ZNF516: variants seen among roughly 807,000 people sequenced by gnomAD.
ZNF516 encodes zinc finger protein 516.
In ZNF516, 19 loss-of-function variants were observed where a neutral mutation model predicts 79.7. That is an observed-to-expected ratio of 0.24 (90% confidence interval 0.17 to 0.35). The LOEUF (loss-of-function observed/expected upper bound fraction) is 0.35, where lower values mean the gene tolerates loss of function less well. Ranked by LOEUF, ZNF516 falls within the 10% of genes least tolerant of loss-of-function variation. ZNF516 has a pLI of 1.00. For missense variants in ZNF516, 1,678 were observed against 1,679.5 expected (o/e 1.00, Z 0.02); for synonymous variants, 877 against 739.5 (o/e 1.19, Z -3.02).
chr18:76,431,998 T>C (rs116536215), intron 3 of ZNF516, among the ~76,000 whole-genome samples: 1,775 of 152,324 alleles, frequency 0.012, 38 homozygotes, highest in African/African-American at 0.041. Context: ...CAGGGTCTGC[T>C]ATTCTAAGCA....
At chr18:76,434,461 A>C (rs2075703681) in intron 3 of ZNF516, among the ~76,000 whole-genome samples, 1 of 152,250 alleles carries the variant, frequency 6.6e-6, no homozygotes, top group African/African-American at 2.4e-5. Flanking sequence ...CCATCCAATA[A>C]GAATCTGTAA....
intron 3 of ZNF516, among the ~76,000 whole-genome samples, chr18:76,402,773 G>A (rs1719871665): frequency 6.6e-6 from 1 of 152,258 alleles, no homozygotes; most frequent in African/African-American, 2.4e-5. Flanking sequence ...GGGCCGCTGC[G>A]CTTCTATCAG....
chr18:76,381,527 G>A (rs567228256), intron 3 of ZNF516, among the ~76,000 whole-genome samples: 1 of 152,256 alleles, frequency 6.6e-6, no homozygotes, highest in African/African-American at 2.4e-5. Context: ...CCTTTAAAAT[G>A]TTCTAAGTGT....
chr18:76,490,279 A>G (rs1244605884), intron 1 of ZNF516: 1 of 836,782 alleles, frequency 1.2e-6, no homozygotes, highest in African/African-American at 1.8e-5. Context: ...TCACTCTCCA[A>G]TTTTACTAAG....
At chr18:76,430,768 G>C (rs1453748455) in intron 3 of ZNF516, among the ~76,000 whole-genome samples, 1 of 152,222 alleles carries the variant, frequency 6.6e-6, no homozygotes, top group Non-Finnish European at 1.5e-5. Flanking sequence ...GGAGTTAAGA[G>C]AAAGAACATG....
chr18:76,419,504 A>G (rs919113741), intron 3 of ZNF516, among the ~76,000 whole-genome samples: 25 of 152,244 alleles, frequency 1.6e-4, no homozygotes, highest in African/African-American at 5.8e-4. Flanking sequence ...CAACAGTTGG[A>G]TATGATCCGG....
intron 3 of ZNF516, among the ~76,000 whole-genome samples, chr18:76,402,659 G>C (rs1373828217): frequency 6.6e-6 from 1 of 152,216 alleles, no homozygotes; most frequent in East Asian, 1.9e-4. Flanking sequence ...CAACAGATCT[G>C]AACGACTAAA....
At chr18:76,450,690 G>A (rs17059381) in intron 2 of ZNF516, among the ~76,000 whole-genome samples, 2,670 of 152,176 alleles carry the variant, frequency 0.018, 76 homozygotes, top group African/African-American at 0.059. Context: ...AGCACTTGAC[G>A]AAGTAAAAAA....
chr18:76,415,736 G>C (rs914052415), intron 3 of ZNF516, among the ~76,000 whole-genome samples: 8 of 152,200 alleles, frequency 5.3e-5, no homozygotes, highest in Admixed American at 3.9e-4. Context: ...CACTTCAACT[G>C]CATAGAGAAA....
intron 1 of ZNF516, among the ~76,000 whole-genome samples, chr18:76,476,182 T>C (rs1299696193): frequency 6.6e-6 from 1 of 152,200 alleles, no homozygotes; most frequent in African/African-American, 2.4e-5. Flanking sequence ...CCACACAAAT[T>C]TGTGGCTGGA....
At chr18:76,420,023 C>T (rs75186293) in intron 3 of ZNF516, among the ~76,000 whole-genome samples, 2,624 of 152,332 alleles carry the variant, frequency 0.017, 71 homozygotes, top group African/African-American at 0.058. Flanking sequence ...CATGAGGGAG[C>T]GACTCCAGGT....
chr18:76,397,979 C>T (rs532077704), intron 3 of ZNF516, among the ~76,000 whole-genome samples: 4 of 152,298 alleles, frequency 2.6e-5, no homozygotes, highest in African/African-American at 9.6e-5. Context: ...ATTCGTGTTA[C>T]TTTTTAAATC....
intron 3 of ZNF516, among the ~76,000 whole-genome samples, chr18:76,406,933 G>A (rs979731284): frequency 2.0e-5 from 3 of 151,106 alleles, no homozygotes; most frequent in African/African-American, 4.9e-5. Flanking sequence ...CGGAGTCCCC[G>A]TGCTCCTGCC....
At chr18:76,438,797 T>C (rs1462816381) in intron 3 of ZNF516, among the ~76,000 whole-genome samples, 1 of 152,202 alleles carries the variant, frequency 6.6e-6, no homozygotes, top group Non-Finnish European at 1.5e-5. Context: ...TCGGGCAAAA[T>C]TATGGCACAA....
Position 76,380,006 on chromosome 18 carries a change from G to A in ZNF516, c.2108C>T (p.Thr703Met), listed in dbSNP as rs201679855. 48 of 1,613,864 alleles carry A rather than the reference G, an allele frequency of 3.0e-5. No individual in the cohort carries two copies. Among genetic ancestry groups the A allele is most frequent in the African/African-American group, 2.1e-4 (16 of 74,922 alleles). Residue 703 changes from threonine to methionine, a missense_variant, in exon 4 of 7, where the codon ACG (threonine) becomes ATG (methionine). Transcript: ENST00000443185. ...GGACAGCTTTTCTGCAGGGTGACCC[G>A]TCTGGCCCTCCGCTCCCGTACTGGA... ...FPSSTGAEGQ[T>M]GHPAEKLSDL...
chr18:76,391,127 A>G (rs73978103), intron 3 of ZNF516, among the ~76,000 whole-genome samples: 9,747 of 152,196 alleles, frequency 0.064, 674 homozygotes, highest in African/African-American at 0.17. Context: ...AGAAATCATT[A>G]AGGAGGGCTG....
Position 76,360,646 on chromosome 18 carries a change from A to AAATATAT in ZNF516, c.*1851_*1852insATATATT, listed in dbSNP as rs373540251. The AAATATAT allele has an allele frequency of 1.1e-4, 8 of 72,462 alleles. No homozygotes were observed. Among genetic ancestry groups the AAATATAT allele is most frequent in the African/African-American group, 4.9e-4 (8 of 16,374 alleles). The allele number at this position is 72,462 out of a possible 1,614,324, so 4.5% of individuals were successfully genotyped here. Reference sequence around the variant, plus strand: ...AAAAAAATAAGTAAAAAAAAAAAAAAATATATATATATATATATATATATA... The same window carrying AAATATAT: ...AAAAAAATAAGTAAAAAAAAAAAAAAAATATATATATATATATATATATATATATATA... On this transcript the variant is annotated 3_prime_UTR_variant, in exon 7 of 7. Coordinates refer to ENST00000443185, the MANE Select transcript of ZNF516 (RefSeq NM_014643.4).
chr18:76,423,993 G>A (rs2075551840), intron 3 of ZNF516, among the ~76,000 whole-genome samples: 1 of 116,614 alleles, frequency 8.6e-6, no homozygotes, highest in African/African-American at 3.4e-5. Context: ...AACACACACA[G>A]GTAAAAAGGC....
At chr18:76,390,880 C>T (rs938500964) in intron 3 of ZNF516, among the ~76,000 whole-genome samples, 1 of 152,124 alleles carries the variant, frequency 6.6e-6, no homozygotes, top group African/African-American at 2.4e-5. Context: ...GGAAGGTCAC[C>T]GTCCCATTTT....
Sources: gnomAD v4.1 joint callset for allele counts (sites outside exome capture counted in the v4.1 genomes callset) on GRCh38, gnomAD v4.1.1 for gene constraint, MANE v1.5 for transcripts, NCBI Gene and HGNC (gene_info 2026-07-23, HGNC 2026-07-21) for gene names.